The following CNTNAP2 variants were observed in gnomAD, a reference collection of about 807,000 sequenced individuals.
CNTNAP2 encodes contactin associated protein 2.
CNTNAP2 carries 98 observed loss-of-function variants against 155.2 expected under a neutral mutation model. That is an observed-to-expected ratio of 0.63 (90% confidence interval 0.54 to 0.75). CNTNAP2 has a LOEUF of 0.75. Among genes scored for constraint, CNTNAP2 ranks in the 30% least tolerant of loss-of-function variants. The probability of loss-of-function intolerance (pLI) is 0.00; values close to 1 mark genes in which losing one functional copy is unlikely to be tolerated. For synonymous variants in CNTNAP2, 651 were observed against 631.2 expected, an observed-to-expected ratio of 1.03 and a Z score of -0.47; for missense variants, 1,727 against 1,688.1, an observed-to-expected ratio of 1.02 and a Z score of -0.40.
chr7:148,409,287 G>A, intron 22 of CNTNAP2, 104 bp from the exon 23 acceptor site: 1 of 909,844 alleles, frequency 1.1e-6, no homozygotes, highest in Non-Finnish European at 1.8e-6. Flanking sequence ...ATTTCATTTG[G>A]GAAAACAGGA....
At chr7:147,427,456 C>T (rs11773683) in intron 10 of CNTNAP2, among the ~76,000 whole-genome samples, 13 of 151,976 alleles carry the variant, frequency 8.6e-5, no homozygotes, top group South Asian at 4.1e-4. Context: ...ACAGAGGCAA[C>T]GGTGACTGAG....
intron 9 of CNTNAP2, among the ~76,000 whole-genome samples, chr7:147,340,161 A>G (rs1795736277): frequency 6.6e-6 from 1 of 152,132 alleles, no homozygotes; most frequent in African/African-American, 2.4e-5. Flanking sequence ...ACAGAAAACA[A>G]TTCTGTGTGT....
rs564938992 is a variant in CNTNAP2, at chr7:146,941,013, A to G, written c.402+101109A>G. Among the ~76,000 whole-genome samples the G allele has an allele frequency of 6.9e-4, 105 of 152,166 alleles. 1 individual carries two copies. Among genetic ancestry groups the G allele is most frequent in the Non-Finnish European group, 1.0e-4 (7 of 67,972 alleles). On this transcript the variant is annotated intron_variant, in intron 3 of 23. Transcript: ENST00000361727. ...TTTAAAGTTTCTATTTGCATGAGAC[A>G]TCTTTTTCCATTTCTGTACTATAGT...
chr7:146,162,829 A>G (rs898692084), intron 1 of CNTNAP2, among the ~76,000 whole-genome samples: 2 of 152,230 alleles, frequency 1.3e-5, no homozygotes, highest in Non-Finnish European at 2.9e-5. Context: ...ATGCAGCCAT[A>G]AAAAAGGATG....
At chr7:146,544,212 G>A (rs1797995303) in intron 1 of CNTNAP2, among the ~76,000 whole-genome samples, 4 of 152,070 alleles carry the variant, frequency 2.6e-5, no homozygotes, top group Admixed American at 1.3e-4. Flanking sequence ...AAACTGAGGA[G>A]TGAATATGTT....
intron 1 of CNTNAP2, among the ~76,000 whole-genome samples, chr7:146,118,169 A>C (rs1298275117): frequency 6.6e-6 from 1 of 152,170 alleles, no homozygotes; most frequent in Non-Finnish European, 1.5e-5. Flanking sequence ...TCTACTATAT[A>C]ATATCCGGTT....
At chr7:147,678,894 GA>G (rs1795908654) in intron 13 of CNTNAP2, among the ~76,000 whole-genome samples, 1 of 151,800 alleles carries the variant, frequency 6.6e-6, no homozygotes, top group Non-Finnish European at 1.5e-5. Context: ...TGATCTTTTG[GA>G]AGAAACTAAA....
At chr7:147,372,032 A>G (rs1796356839) in intron 9 of CNTNAP2, among the ~76,000 whole-genome samples, 1 of 152,102 alleles carries the variant, frequency 6.6e-6, no homozygotes, top group Non-Finnish European at 1.5e-5. Flanking sequence ...GAGAGGGTGC[A>G]TCTCTCCAAA....
chr7:148,168,409 C>G (rs956961538), intron 17 of CNTNAP2, among the ~76,000 whole-genome samples: 3 of 152,036 alleles, frequency 2.0e-5, no homozygotes, highest in Non-Finnish European at 4.4e-5. Context: ...CCTGTCCTTT[C>G]TAGGGACATG....
At chr7:147,157,398 A>G (rs1232002190) in intron 8 of CNTNAP2, among the ~76,000 whole-genome samples, 7 of 152,272 alleles carry the variant, frequency 4.6e-5, no homozygotes, top group Middle Eastern at 3.4e-3. Flanking sequence ...CAAATAAGAT[A>G]GCCTGAATGG....
chr7:148,259,381 G>T (rs1054580115), intron 20 of CNTNAP2, among the ~76,000 whole-genome samples: 2 of 150,512 alleles, frequency 1.3e-5, no homozygotes, highest in African/African-American at 4.9e-5. Flanking sequence ...AAACTCCTTA[G>T]TCATACACCT....
intron 1 of CNTNAP2, among the ~76,000 whole-genome samples, chr7:146,426,741 A>G (rs1429082651): frequency 6.6e-6 from 1 of 151,952 alleles, no homozygotes; most frequent in Non-Finnish European, 1.5e-5. Context: ...GACACAAAAT[A>G]TCAGTTAGAC....
At chr7:147,026,154 C>T (rs1798915145) in intron 3 of CNTNAP2, among the ~76,000 whole-genome samples, 1 of 152,034 alleles carries the variant, frequency 6.6e-6, no homozygotes, top group Admixed American at 6.5e-5. Context: ...AGCCTGACAT[C>T]GTTTTTATGG....
At chr7:146,927,488 T>G (rs1585161817) in intron 3 of CNTNAP2, among the ~76,000 whole-genome samples, 1 of 152,156 alleles carries the variant, frequency 6.6e-6, no homozygotes, top group East Asian at 1.9e-4. Flanking sequence ...AAGCAGTATC[T>G]AATAGATTAA....
intron 16 of CNTNAP2, among the ~76,000 whole-genome samples, chr7:148,142,093 CTGTGTGTGTGTGTGTGTGTG>C (rs71527881): frequency 7.3e-6 from 1 of 136,326 alleles, no homozygotes; most frequent in African/African-American, 2.8e-5. Context: ...AGATATGTCT[CTGTGTGTGTGTGTGTGTGTG>C]TGTGTGTGTG....
intron 9 of CNTNAP2, among the ~76,000 whole-genome samples, chr7:147,372,619 A>G (rs1442876964): frequency 6.6e-6 from 1 of 152,166 alleles, no homozygotes; most frequent in East Asian, 1.9e-4. Flanking sequence ...TATAACCATT[A>G]TAACATTTAT....
chr7:147,248,264 A>G (rs1804112427), intron 8 of CNTNAP2, among the ~76,000 whole-genome samples: 1 of 152,332 alleles, frequency 6.6e-6, no homozygotes, highest in East Asian at 1.9e-4. Context: ...TTCTGTCAAC[A>G]GAGGTTTAAA....
chr7:146,148,665 T>A (rs1050224875), intron 1 of CNTNAP2, among the ~76,000 whole-genome samples: 2 of 152,074 alleles, frequency 1.3e-5, no homozygotes, highest in Non-Finnish European at 1.5e-5. Flanking sequence ...TTTGTCAACA[T>A]GATGAGAAAA....
chr7:147,076,122 T>G (rs1409542605), intron 4 of CNTNAP2, among the ~76,000 whole-genome samples: 2 of 152,196 alleles, frequency 1.3e-5, no homozygotes, highest in African/African-American at 4.8e-5. Flanking sequence ...AGCAGCATGA[T>G]TTATAATCCT....
Sources: allele counts gnomAD v4.1 joint callset (sites outside exome capture counted in the v4.1 genomes callset), GRCh38; gene constraint gnomAD v4.1.1; transcripts MANE v1.5; gene names NCBI Gene and HGNC (gene_info 2026-07-23, HGNC 2026-07-21).